Variants in CENPP observed in about 807,000 individuals in gnomAD.
CENPP encodes the protein centromere protein P.
A neutral mutation model predicts 35.6 loss-of-function variants in CENPP; 24 were observed. The observed-to-expected ratio is 0.67, with a 90% confidence interval of 0.49 to 0.95. The LOEUF is 0.95. Among genes scored for constraint, CENPP ranks in the 40% least tolerant of loss-of-function variants. CENPP has a pLI of 0.00. For synonymous variants in CENPP, 120 were observed against 125.5 expected (o/e 0.96, Z 0.29); for missense variants, 332 against 345.3 (o/e 0.96, Z 0.31).
intron 5 of CENPP, among the ~76,000 whole-genome samples, chr9:92,448,256 G>A (rs1386006049): frequency 1.3e-5 from 2 of 151,808 alleles, no homozygotes; most frequent in Admixed American, 6.6e-5. Flanking sequence ...TGTGGGTTAG[G>A]GGTTTTTCTC....
intron 5 of CENPP, among the ~76,000 whole-genome samples, chr9:92,431,498 T>C (rs1402545190): frequency 6.6e-6 from 1 of 152,220 alleles, no homozygotes; most frequent in Non-Finnish European, 1.5e-5. Context: ...TGAACATCTT[T>C]TCGAATGTTT....
intron 5 of CENPP, among the ~76,000 whole-genome samples, chr9:92,460,947 G>A (rs1431694095): frequency 6.6e-6 from 1 of 152,098 alleles, no homozygotes; most frequent in Non-Finnish European, 1.5e-5. Context: ...CTAAAGTGCT[G>A]GGATTACAGG....
rs1270102015 is a variant in CENPP at position 92,618,241 on chromosome 9, C to CTACCTGTCCCT, written c.*5092_*5093insTACCTGTCCCT. The CTACCTGTCCCT allele has an allele frequency of 2.2e-6, 1 of 456,642 alleles. No homozygotes were observed. Among genetic ancestry groups the CTACCTGTCCCT allele is most frequent in the Non-Finnish European group, 4.4e-6 (1 of 226,964 alleles). 28.3% of individuals were successfully genotyped at this position (456,642 alleles called of 1,614,324 possible). On this transcript the variant is annotated 3_prime_UTR_variant, in exon 8 of 8. Transcript: ENST00000375587. ...TAGAGTGCTTTGTGCAGGATGGTTC[C>CTACCTGTCCCT]AGTGCCTACACCCTAGGTCTGAGAA...
At chr9:92,331,641 T>C (rs1428444637) in intron 1 of CENPP, among the ~76,000 whole-genome samples, 2 of 152,224 alleles carry the variant, frequency 1.3e-5, no homozygotes, top group Non-Finnish European at 2.9e-5. Context: ...GGAAGTATAA[T>C]TTGGTTACAT....
In CENPP at chr9:92,337,536, T is replaced by C. The variant is rs563423303; in HGVS notation, c.290-5T>C. The C allele has an allele frequency of 7.8e-6, 12 of 1,538,254 alleles. No individual in the cohort carries two copies. The Admixed American group carries it at 1.0e-4, about 13-fold the overall frequency. ...AAACAAAATATTTGTTTTTCTGCTTTACAGGTATTAGAAAAGTTCTACAGA... is the reference window on the plus strand; with the variant it reads ...AAACAAAATATTTGTTTTTCTGCTTCACAGGTATTAGAAAAGTTCTACAGA... On this transcript the variant is annotated splice_region_variant and splice_polypyrimidine_tract_variant and intron_variant, in intron 2 of 7. Coordinates refer to ENST00000375587, the MANE Select transcript of CENPP (RefSeq NM_001012267.3).
chr9:92,613,156 A>G lies in CENPP; in HGVS notation c.*7A>G. 6.2e-7 allele frequency: 1 copy of G among 1,614,166 alleles called. No homozygotes were observed. The highest frequency in any genetic ancestry group is 1.3e-5 in the African/African-American group (1 of 75,042). ...TGCAGAGGAGAACAACTAGTTCCAA[A>G]ACAGTGAACGTGGAGGATGAAGATG... On this transcript the variant is annotated 3_prime_UTR_variant, in exon 8 of 8. Transcript: ENST00000375587.
At chr9:92,347,539 T>C (rs56186978) in intron 4 of CENPP, among the ~76,000 whole-genome samples, 127 of 152,382 alleles carry the variant, frequency 8.3e-4, no homozygotes, top group Non-Finnish European at 1.5e-3. Flanking sequence ...GTTTCTTTCT[T>C]CTTTATCTCT....
intron 5 of CENPP, among the ~76,000 whole-genome samples, chr9:92,584,880 A>C (rs1385702089): frequency 6.6e-6 from 1 of 152,168 alleles, no homozygotes; most frequent in Non-Finnish European, 1.5e-5. Context: ...GGTCATGTAC[A>C]TTCGTACATT....
intron 5 of CENPP, among the ~76,000 whole-genome samples, chr9:92,421,376 T>G (rs1843788589): frequency 6.6e-6 from 1 of 152,184 alleles, no homozygotes; most frequent in South Asian, 2.1e-4. Context: ...GAATTTGCAC[T>G]CTGGGAATGA....
intron 5 of CENPP, among the ~76,000 whole-genome samples, chr9:92,574,167 C>T (rs181997779): frequency 9.2e-5 from 14 of 152,246 alleles, no homozygotes; most frequent in Admixed American, 3.9e-4. Context: ...GCATCGCTCA[C>T]GCTGGGAGCT....
At chr9:92,464,599 A>C in intron 5 of CENPP, 1 of 472,608 alleles carries the variant, frequency 2.1e-6, no homozygotes. Context: ...TTTCTTCTGT[A>C]TAGAATTCTC....
At chr9:92,547,804 G>A (rs963878904) in intron 5 of CENPP, among the ~76,000 whole-genome samples, 10 of 152,176 alleles carry the variant, frequency 6.6e-5, no homozygotes, top group Admixed American at 5.9e-4. Context: ...TTTATGGTAC[G>A]TAAATTATAT....
At chr9:92,545,391 C>T (rs947511231) in intron 5 of CENPP, among the ~76,000 whole-genome samples, 3 of 152,196 alleles carry the variant, frequency 2.0e-5, no homozygotes, top group African/African-American at 7.2e-5. Context: ...CTTAGCACCC[C>T]GGCCAGCAGC....
intron 5 of CENPP, among the ~76,000 whole-genome samples, chr9:92,471,681 T>A (rs1845522443): frequency 6.7e-6 from 1 of 150,366 alleles, no homozygotes; most frequent in South Asian, 2.1e-4. Context: ...TTTTTTTTTT[T>A]AACTTGAGAC....
intron 5 of CENPP, among the ~76,000 whole-genome samples, chr9:92,430,427 C>CTT (rs532075673): frequency 1.4e-5 from 2 of 143,022 alleles, no homozygotes; most frequent in East Asian, 2.0e-4. Context: ...TCTTCTCTCT[C>CTT]TTTTTTTTTT....
At chr9:92,411,224 G>A (rs1296726732) in intron 5 of CENPP, among the ~76,000 whole-genome samples, 2 of 151,982 alleles carry the variant, frequency 1.3e-5, no homozygotes, top group African/African-American at 4.8e-5. Flanking sequence ...TGCCCTCCTC[G>A]GCCTCCCAAA....
intron 5 of CENPP, among the ~76,000 whole-genome samples, chr9:92,437,808 G>A (rs375853821): frequency 2.0e-5 from 3 of 152,268 alleles, no homozygotes; most frequent in African/African-American, 7.2e-5. Flanking sequence ...TGCCCAGGCT[G>A]GAGTGCAGTG....
chr9:92,589,457 GA>G (rs1023418038), intron 5 of CENPP, among the ~76,000 whole-genome samples: 44 of 145,982 alleles, frequency 3.0e-4, no homozygotes, highest in Non-Finnish European at 2.4e-4. Flanking sequence ...GACCTGCAGG[GA>G]AAAAAAAAAA....
At position 92,551,937 on chromosome 9, in the gene CENPP, A is replaced by G. The variant is rs1263361470; in HGVS notation, c.565-59377A>G. On this transcript the variant is annotated intron_variant, in intron 5 of 7. Coordinates refer to ENST00000375587, the MANE Select transcript of CENPP (RefSeq NM_001012267.3). Reference sequence around the variant, plus strand: ...ATATGGTGTGTGTGTATATATATATATATATATATATATATGATATATATA... The same window carrying G: ...ATATGGTGTGTGTGTATATATATATGTATATATATATATATGATATATATA... 3.8e-4 allele frequency among the ~76,000 whole-genome samples: 37 copies of G among 98,280 alleles called. 3 individuals carry two copies. The highest frequency in any genetic ancestry group is 2.0e-3 in the African/African-American group (29 of 14,406). 64.5% of individuals were successfully genotyped at this position (98,280 alleles called of 152,430 possible). A position where few individuals can be genotyped will look rare whatever the true frequency, so the allele number is the denominator to read the frequency against.
Sources: gnomAD v4.1 joint callset for allele counts (sites outside exome capture counted in the v4.1 genomes callset) on GRCh38, gnomAD v4.1.1 for gene constraint, MANE v1.5 for transcripts, NCBI Gene and HGNC (gene_info 2026-07-23, HGNC 2026-07-21) for gene names.